SLC22A9: variants seen among roughly 807,000 people sequenced by gnomAD.
SLC22A9 encodes the protein solute carrier family 22 member 9, also known as organic anion transporter 7.
A neutral mutation model predicts 50.1 loss-of-function variants in SLC22A9; 64 were observed. The observed-to-expected ratio is 1.28, with a 90% CI of 1.04 to 1.57. SLC22A9 has a LOEUF of 1.57. Ranked by LOEUF, SLC22A9 falls within the 40% of genes most tolerant of loss-of-function variation. The pLI is 0.00. For missense variants in SLC22A9, 757 were observed against 676.1 expected, an observed-to-expected ratio of 1.12 and a Z score of -1.33; for synonymous variants, 261 against 242.5, an observed-to-expected ratio of 1.08 and a Z score of -0.71.
intron 4 of SLC22A9, 131 bp downstream of exon 4, chr11:63,374,193 TGTGCAATACAA>T: frequency 1.2e-6 from 1 of 806,564 alleles, no homozygotes; most frequent in South Asian, 2.6e-5. Context: ...CTGTGCTTGA[TGTGCAATACAA>T]GAAGCAGAAC....
Position 63,379,686 on chromosome 11 carries a change from C to T in SLC22A9, c.955-2473C>T, listed in dbSNP as rs543888930. Among the ~76,000 whole-genome samples the T allele has an allele frequency of 5.3e-5, 8 of 152,190 alleles. No individual in the cohort carries two copies. The South Asian group carries it at 1.2e-3, about 24-fold the overall frequency. Reference sequence around the variant, plus strand: ...GAACAAATTAAAAAAGAACAGACAGCCCATAAAAAATGGCCAAAGCACATG... The same window carrying T: ...GAACAAATTAAAAAAGAACAGACAGTCCATAAAAAATGGCCAAAGCACATG... On this transcript the variant is annotated intron_variant, in intron 5 of 9. Coordinates refer to ENST00000279178, the MANE Select transcript of SLC22A9 (RefSeq NM_080866.3).
chr11:63,400,862 T>C (rs1335690458), intron 6 of SLC22A9, among the ~76,000 whole-genome samples: 1 of 152,072 alleles, frequency 6.6e-6, no homozygotes, highest in African/African-American at 2.4e-5. Flanking sequence ...GGCAAGTCAA[T>C]AAACATAAAA....
intron 6 of SLC22A9, among the ~76,000 whole-genome samples, chr11:63,405,711 T>C (rs1422187224): frequency 6.6e-6 from 1 of 152,196 alleles, no homozygotes; most frequent in Non-Finnish European, 1.5e-5. Flanking sequence ...AGGTACTCAC[T>C]GGGAGTTTGA....
At chr11:63,401,380 A>G (rs1201393924) in intron 6 of SLC22A9, among the ~76,000 whole-genome samples, 2 of 152,078 alleles carry the variant, frequency 1.3e-5, no homozygotes, top group Non-Finnish European at 2.9e-5. Context: ...AAAGGAAATT[A>G]AGAAAGCAAT....
At chr11:63,409,747 G>T in intron 9 of SLC22A9, 55 bp from the exon 10 acceptor site, 1 of 1,543,286 alleles carries the variant, frequency 6.5e-7, no homozygotes, top group Non-Finnish European at 8.9e-7. Flanking sequence ...TACATGTTTA[G>T]TCCATGTCTT....
chr11:63,403,070 C>T (rs1033280653), intron 6 of SLC22A9, among the ~76,000 whole-genome samples: 1 of 151,962 alleles, frequency 6.6e-6, no homozygotes, highest in Non-Finnish European at 1.5e-5. Flanking sequence ...GATAAATGGA[C>T]AGATTCTAAG....
At chr11:63,408,312 A>G in intron 8 of SLC22A9, 92 bp downstream of exon 8, 1 of 982,924 alleles carries the variant, frequency 1.0e-6, no homozygotes, top group Non-Finnish European at 1.6e-6. Flanking sequence ...AGACTGGTTC[A>G]TTAAGAAAAT....
In SLC22A9 at chr11:63,370,201, T is replaced by G; in HGVS notation, c.145T>G (p.Cys49Gly). The change falls in exon 1 of 10, where the codon TGC (cysteine) becomes GGC (glycine). Residue 49 changes from cysteine (C) to glycine (G), a missense_variant. Physicochemically the swap from Cys to Gly is radical, Grantham distance 159. Coordinates refer to ENST00000279178, the MANE Select transcript of SLC22A9 (RefSeq NM_080866.3). ...CACTGCATTCATACCTGGCCATCGC[T>G]GCTGGGTCCACATCCTGGACAATGA... ...NFTAFIPGHR[C>G]WVHILDNDTV... The G allele has an allele frequency of 6.2e-7, 1 of 1,614,116 alleles. No individual in the cohort carries two copies. Among genetic ancestry groups the G allele is most frequent in the Non-Finnish European group, 8.5e-7 (1 of 1,179,956 alleles).
intron 6 of SLC22A9, among the ~76,000 whole-genome samples, chr11:63,394,498 G>T (rs554304079): frequency 6.6e-6 from 1 of 152,216 alleles, no homozygotes; most frequent in South Asian, 2.1e-4. Flanking sequence ...AGTTTCACTG[G>T]ATACAAAATT....
Position 63,399,018 on chromosome 11 carries a change from T to C in SLC22A9, c.1074-7479T>C, listed in dbSNP as rs2119989232. On this transcript the variant is annotated intron_variant, in intron 6 of 9. Transcript: ENST00000279178. ...AAAATAATTTATCATCAGGTATTTT[T>C]GCAGGCCTCATATTAACCACAAAGC... 1.3e-5 allele frequency among the ~76,000 whole-genome samples: 2 copies of C among 152,318 alleles called. 1 individual carries two copies. Among genetic ancestry groups the C allele is most frequent in the East Asian group, 3.9e-4 (2 of 5,190 alleles).
At chr11:63,381,363 A>T (rs1233167649) in intron 5 of SLC22A9, among the ~76,000 whole-genome samples, 1 of 152,168 alleles carries the variant, frequency 6.6e-6, no homozygotes, top group African/African-American at 2.4e-5. Context: ...GACTTTCAAT[A>T]CCTACCATCA....
chr11:63,408,129 G>A lies in SLC22A9; in HGVS notation c.1306G>A (p.Glu436Lys). 6.2e-7 allele frequency: 1 copy of A among 1,613,626 alleles called. No individual in the cohort carries two copies. The highest frequency in any genetic ancestry group is 8.5e-7 in the Non-Finnish European group (1 of 1,179,710). Residue 436 changes from glutamate (E) to lysine (K), a missense_variant, in exon 8 of 10, where the codon GAG (glutamate) becomes AAG (lysine). Transcript: ENST00000279178. ...TTCTCCAGAAATGCAGACGCTGCGT[G>A]AGGTTTTGGCAACACTGGGCTTAGG... ...FVPQEMQTLREVLATLGLGAS... is the reference protein window; with the variant it reads ...FVPQEMQTLRKVLATLGLGAS...
rs1017175326 is a variant in SLC22A9, at chr11:63,375,067, G to A, written c.831-578G>A. On this transcript the variant is annotated intron_variant, in intron 4 of 9. Coordinates refer to ENST00000279178, the MANE Select transcript of SLC22A9 (RefSeq NM_080866.3). ...GAGAAGAGTTCAGATAGAAAAGTAA[G>A]CAAACTCCCTGTCAGGCTCATCCAT... Among the ~76,000 whole-genome samples, 7 of 152,198 alleles carry A rather than the reference G, an allele frequency of 4.6e-5. No homozygotes were observed. The South Asian group carries it at 1.4e-3, about 32-fold the overall frequency.
chr11:63,377,747 T>G (rs1227917804), intron 5 of SLC22A9, among the ~76,000 whole-genome samples: 1 of 151,552 alleles, frequency 6.6e-6, no homozygotes, highest in Non-Finnish European at 1.5e-5. Context: ...AAGATACATA[T>G]CAACAAAACC....
intron 9 of SLC22A9, 37 bp from the exon 10 acceptor site, chr11:63,409,765 T>C: frequency 6.3e-7 from 1 of 1,577,700 alleles, no homozygotes; most frequent in Non-Finnish European, 8.6e-7. Flanking sequence ...CTTTTCATTT[T>C]TGTGATTTTT....
chr11:63,382,216 C>A lies in SLC22A9; in HGVS notation c.1012C>A (p.Leu338Met). 1 of 1,609,356 alleles carries A rather than the reference C, an allele frequency of 6.2e-7. No individual in the cohort carries two copies. The highest frequency in any genetic ancestry group is 1.1e-5 in the South Asian group (1 of 89,286). The part of the protein sequence containing the change: ...LEAAQKKKPS[L>M]CEMLHMPNIC... ...GGCAGCACAAAAAAAAAAACCTTCT[C>A]TGTGTGAAATGCTCCACATGCCCAA... The change falls in exon 6 of 10, where the codon CTG becomes ATG. Residue 338 changes from leucine (L) to methionine (M), a missense_variant. Leu to Met is a conservative substitution (Grantham distance 15). Transcript: ENST00000279178.
In SLC22A9 at chr11:63,393,450, A is replaced by T. The variant is rs116707293; in HGVS notation, c.1073+11173A>T. On this transcript the variant is annotated intron_variant, in intron 6 of 9. Coordinates refer to ENST00000279178, the MANE Select transcript of SLC22A9 (RefSeq NM_080866.3). Reference sequence around the variant, plus strand: ...ATCAGCAAACAGTGACAGTTTGACTATCAGTAATATGCTGAAGAGGAGTGG... The same window carrying T: ...ATCAGCAAACAGTGACAGTTTGACTTTCAGTAATATGCTGAAGAGGAGTGG... Among the ~76,000 whole-genome samples the T allele has an allele frequency of 6.2e-3, 936 of 152,044 alleles. 10 individuals carry two copies. The highest frequency in any genetic ancestry group is 0.021 in the African/African-American group (857 of 41,538).
chr11:63,372,767 A>G (rs1231054199), intron 2 of SLC22A9, among the ~76,000 whole-genome samples: 5 of 152,138 alleles, frequency 3.3e-5, no homozygotes, highest in African/African-American at 1.2e-4. Context: ...TTCATATGTA[A>G]AGATAATTTA....
intron 6 of SLC22A9, among the ~76,000 whole-genome samples, chr11:63,391,489 T>C (rs1056424254): frequency 1.3e-5 from 2 of 152,118 alleles, no homozygotes; most frequent in Non-Finnish European, 2.9e-5. Flanking sequence ...ATATTTGCTT[T>C]ATATACCTGG....
Sources: gnomAD v4.1 joint callset for allele counts (sites outside exome capture counted in the v4.1 genomes callset) on GRCh38, gnomAD v4.1.1 for gene constraint, MANE v1.5 for transcripts, NCBI Gene and HGNC (gene_info 2026-07-23, HGNC 2026-07-21) for gene names.